Variants in ADGRV1 observed in about 807,000 individuals in gnomAD.
ADGRV1 encodes adhesion G protein-coupled receptor V1.
Under a neutral mutation model 596.2 loss-of-function variants are expected in ADGRV1, and 359 were observed. That is an observed-to-expected ratio of 0.60 (90% confidence interval 0.55 to 0.66). The LOEUF (loss-of-function observed/expected upper bound fraction) is 0.66, where lower values mean the gene tolerates loss of function less well. ADGRV1 is among the 30% of genes least tolerant of loss of function. The probability of loss-of-function intolerance (pLI) is 0.00; values close to 1 mark genes in which losing one functional copy is unlikely to be tolerated. For synonymous variants in ADGRV1, 2,681 were observed against 2,679.2 expected (o/e 1.00, Z -0.02); for missense variants, 7,274 against 7,575.6 (o/e 0.96, Z 1.48).
chr5:90,596,568 A>C (rs1429772808), intron 1 of ADGRV1, among the ~76,000 whole-genome samples: 1 of 152,052 alleles, frequency 6.6e-6, no homozygotes, highest in Non-Finnish European at 1.5e-5. Flanking sequence ...CTGGCGGATC[A>C]CTCGTGGTTA....
At chr5:90,577,619 T>C (rs761091449) in intron 1 of ADGRV1, among the ~76,000 whole-genome samples, 6 of 152,208 alleles carry the variant, frequency 3.9e-5, no homozygotes. Flanking sequence ...TGGTTCCATA[T>C]GAAGTTTAAA....
intron 85 of ADGRV1, among the ~76,000 whole-genome samples, chr5:91,001,082 A>C (rs951661132): frequency 6.6e-6 from 1 of 151,846 alleles, no homozygotes; most frequent in Admixed American, 6.6e-5. Flanking sequence ...TTGTGTTTCC[A>C]TTTTTCTTTT....
chr5:91,072,039 CTCTT>C (rs922058736), intron 85 of ADGRV1, among the ~76,000 whole-genome samples: 14 of 152,024 alleles, frequency 9.2e-5, no homozygotes, highest in African/African-American at 3.4e-4. Flanking sequence ...TCTAAAGTGA[CTCTT>C]TTTTTTTAAG....
intron 29 of ADGRV1, among the ~76,000 whole-genome samples, chr5:90,688,425 T>G (rs1745993916): frequency 1.3e-5 from 2 of 152,242 alleles, no homozygotes; most frequent in African/African-American, 4.8e-5. Context: ...TGGTGTGATC[T>G]TGGCTCACTG....
chr5:90,731,589 G>A (rs1216864019), intron 50 of ADGRV1, among the ~76,000 whole-genome samples: 1 of 152,202 alleles, frequency 6.6e-6, no homozygotes, highest in African/African-American at 2.4e-5. Context: ...AAAGGCAGAA[G>A]TGTTTATAGC....
chr5:91,048,138 T>G (rs1348191397), intron 85 of ADGRV1, among the ~76,000 whole-genome samples: 1 of 152,194 alleles, frequency 6.6e-6, no homozygotes, highest in Non-Finnish European at 1.5e-5. Flanking sequence ...AGGAAGAATA[T>G]GGAAGAGAGG....
chr5:90,791,662 C>T lies in ADGRV1; in HGVS notation c.14517+316C>T, dbSNP rs1261855879. On this transcript the variant is annotated intron_variant, in intron 70 of 89. Transcript: ENST00000405460. ...CCATGGACATGTGTATGCACACGCA[C>T]ACACACTGATACTTGTCAAAGGGGA... 5 of 256,018 alleles carry T rather than the reference C, an allele frequency of 2.0e-5. 1 individual carries two copies. The highest frequency in any genetic ancestry group is 1.8e-4 in the South Asian group (2 of 11,150). 15.9% of individuals were successfully genotyped at this position (256,018 alleles called of 1,614,324 possible). A position where few individuals can be genotyped will look rare whatever the true frequency, so the allele number is the denominator to read the frequency against.
intron 1 of ADGRV1, among the ~76,000 whole-genome samples, chr5:90,571,158 C>T (rs1756476428): frequency 6.6e-6 from 1 of 152,024 alleles, no homozygotes; most frequent in Non-Finnish European, 1.5e-5. Flanking sequence ...ATTGCAGTCT[C>T]TGCTTGGTTA....
intron 77 of ADGRV1, among the ~76,000 whole-genome samples, chr5:90,831,691 C>T (rs908969363): frequency 6.6e-6 from 1 of 151,988 alleles, no homozygotes; most frequent in Admixed American, 6.6e-5. Context: ...ACTCATTAAC[C>T]ATTCTAACTT....
chr5:90,666,175 C>T (rs534722738), intron 21 of ADGRV1, among the ~76,000 whole-genome samples: 2 of 150,394 alleles, frequency 1.3e-5, no homozygotes, highest in African/African-American at 4.9e-5. Context: ...TCCTTGTTGA[C>T]TTTCTGTCTC....
intron 83 of ADGRV1, among the ~76,000 whole-genome samples, chr5:90,949,306 T>C (rs1167241051): frequency 6.6e-6 from 1 of 152,140 alleles, no homozygotes; most frequent in African/African-American, 2.4e-5. Flanking sequence ...TGGGTCTGTG[T>C]GTAAACTTTA....
intron 83 of ADGRV1, among the ~76,000 whole-genome samples, chr5:90,868,049 G>A: frequency 6.6e-6 from 1 of 152,116 alleles, no homozygotes; most frequent in Non-Finnish European, 1.5e-5. Context: ...AGCAAGGAAA[G>A]TGTTTCCTAA....
Position 90,692,769 on chromosome 5 carries a change from T to C in ADGRV1, c.7116T>C (p.Asn2372=). 6.3e-7 allele frequency: 1 copy of C among 1,599,582 alleles called. No individual in the cohort carries two copies. The change falls in exon 32 of 90, where the codon AAT becomes AAC. Residue 2372 remains asparagine (N), a synonymous_variant. Coordinates refer to ENST00000405460, the MANE Select transcript of ADGRV1 (RefSeq NM_032119.4). ...CTCTGGAAAGAAGTTCCTGTGCTAA[T>C]ATAACTGTCAGGCGAAGGTATATGA... ...QEPLERSSCA[N]ITVRRSGGHF... is the part of the protein sequence containing the mutation.
chr5:90,990,084 C>G (rs941697068), intron 85 of ADGRV1, among the ~76,000 whole-genome samples: 6 of 152,184 alleles, frequency 3.9e-5, no homozygotes, highest in Non-Finnish European at 7.3e-5. Flanking sequence ...TCCCAAAGCG[C>G]TGGGATTACA....
intron 79 of ADGRV1, 82 bp from the exon 80 acceptor site, chr5:90,853,202 G>A (rs1766700721): frequency 4.6e-6 from 6 of 1,311,702 alleles, no homozygotes. Context: ...GAATCCAAGT[G>A]TAATGCACTT....
Position 90,637,893 on chromosome 5 carries a change from A to G in ADGRV1, c.2185A>G (p.Ile729Val), listed in dbSNP as rs760206426. 1.3e-4 allele frequency: 213 copies of G among 1,613,594 alleles called. No homozygotes were observed. Among genetic ancestry groups the G allele is most frequent in the Non-Finnish European group, 1.6e-4 (189 of 1,179,754 alleles). Reference sequence around the variant, plus strand: ...AAGTGACACAACAATCAACATTACTATCAAAGGTGATGACATACCGGAAAT... The same window carrying G: ...AAGTGACACAACAATCAACATTACTGTCAAAGGTGATGACATACCGGAAAT... ...GQSDTTINIT[I>V]KGDDIPEMNE... The change falls in exon 11 of 90, where the codon ATC (isoleucine) becomes GTC (valine). Residue 729 changes from isoleucine (I) to valine (V), a missense_variant. Physicochemically the swap from Ile to Val is conservative, Grantham distance 29. This residue lies in a region of ADGRV1 where 1,715 missense variants were observed against 1,708.8 expected (regional missense o/e 1.00). Coordinates refer to ENST00000405460, the MANE Select transcript of ADGRV1 (RefSeq NM_032119.4).
chr5:91,030,531 A>T (rs564073954), intron 85 of ADGRV1, among the ~76,000 whole-genome samples: 2 of 151,464 alleles, frequency 1.3e-5, no homozygotes, highest in East Asian at 3.9e-4. Flanking sequence ...TGGTCTAGCC[A>T]TGTTTTCTAT....
chr5:90,990,936 T>C (rs986601418), intron 85 of ADGRV1, among the ~76,000 whole-genome samples: 2 of 152,162 alleles, frequency 1.3e-5, no homozygotes, highest in Non-Finnish European at 2.9e-5. Context: ...AAGGAGACCT[T>C]ATCATGCAAA....
chr5:90,595,939 C>T (rs1760449855), intron 1 of ADGRV1, among the ~76,000 whole-genome samples: 1 of 151,550 alleles, frequency 6.6e-6, no homozygotes, highest in Non-Finnish European at 1.5e-5. Flanking sequence ...CGGAGACGCT[C>T]CTCACTTCCC....
Sources: allele counts gnomAD v4.1 joint callset (sites outside exome capture counted in the v4.1 genomes callset), GRCh38; gene constraint gnomAD v4.1.1; regional missense constraint gnomAD v4.1.1; transcripts MANE v1.5; gene names NCBI Gene and HGNC (gene_info 2026-07-23, HGNC 2026-07-21).